Variants in SULT6B1 observed in about 807,000 individuals in gnomAD.
The protein encoded by SULT6B1 is sulfotransferase family 6B member 1.
A neutral mutation model predicts 37.2 loss-of-function variants in SULT6B1; 44 were observed. The observed-to-expected ratio is 1.18, with a 90% CI of 0.93 to 1.52. The LOEUF is 1.52. SULT6B1 is among the 40% of genes most tolerant of loss of function. The pLI, the probability that SULT6B1 is intolerant of heterozygous loss-of-function variation, is 0.00. For missense variants in SULT6B1, 450 were observed against 361.0 expected (o/e 1.25, Z -2.00); for synonymous variants, 140 against 126.0 (o/e 1.11, Z -0.74).
intron 5 of SULT6B1, among the ~76,000 whole-genome samples, chr2:37,172,441 A>C (rs1676324996): frequency 6.6e-6 from 1 of 152,218 alleles, no homozygotes; most frequent in South Asian, 2.1e-4. Flanking sequence ...ACATTATTCT[A>C]AACTAGAATT....
rs528402973 is a variant in SULT6B1, at chr2:37,171,426, G to A, written c.781+8C>T. 4.3e-6 allele frequency: 7 copies of A among 1,611,872 alleles called. No homozygotes were observed. The East Asian group carries it at 6.7e-5, about 15-fold the overall frequency. ...TGATAACAATCCCAGAAACCAATGC[G>A]ACTTTACCTTTGCGGAAAAGGAATG... On this transcript the variant is annotated splice_region_variant and intron_variant, in intron 6 of 6. Transcript: ENST00000535679.
chr2:37,194,007 G>A (rs1445296650), intron 1 of SULT6B1, among the ~76,000 whole-genome samples: 4 of 152,062 alleles, frequency 2.6e-5, no homozygotes, highest in Admixed American at 6.6e-5. Flanking sequence ...GTGCAATATC[G>A]TTATTAGTTT....
At chr2:37,186,723 C>G (rs1248807101) in intron 2 of SULT6B1, among the ~76,000 whole-genome samples, 1 of 151,872 alleles carries the variant, frequency 6.6e-6, no homozygotes, top group Non-Finnish European at 1.5e-5. Context: ...GAAACCCTAC[C>G]TCTACAAAAA....
At position 37,168,987 on chromosome 2, in the gene SULT6B1, T is replaced by A. The variant is rs574389317; in HGVS notation, c.782-922A>T. Among the ~76,000 whole-genome samples, 20 of 152,310 alleles carry A rather than the reference T, an allele frequency of 1.3e-4. No homozygotes were observed. In the East Asian group the frequency reaches 3.5e-3, roughly 26 times the overall value. On this transcript the variant is annotated intron_variant, in intron 6 of 6. Coordinates refer to ENST00000535679, the MANE Select transcript of SULT6B1 (RefSeq NM_001367551.1). ...CTGTTTACAAATGTCATCAGCTATA[T>A]AAAACGTCACAGAATAAGGGTGGAA...
chr2:37,195,040 C>A (rs992554911), intron 1 of SULT6B1, among the ~76,000 whole-genome samples: 1 of 151,922 alleles, frequency 6.6e-6, no homozygotes, highest in Non-Finnish European at 1.5e-5. Flanking sequence ...ACCTCTGCCT[C>A]CTGGGTTCAA....
intron 4 of SULT6B1, among the ~76,000 whole-genome samples, chr2:37,176,502 C>T (rs1410099239): frequency 6.6e-6 from 1 of 151,940 alleles, no homozygotes; most frequent in African/African-American, 2.4e-5. Flanking sequence ...TCAGGTGATC[C>T]GCCCGCCTCG....
At chr2:37,176,507 G>A (rs1026237977) in intron 4 of SULT6B1, among the ~76,000 whole-genome samples, 3 of 151,982 alleles carry the variant, frequency 2.0e-5, no homozygotes, top group Non-Finnish European at 4.4e-5. Flanking sequence ...TGATCCGCCC[G>A]CCTCGGCCAC....
At chr2:37,175,035 A>G (rs993279480) in intron 5 of SULT6B1, 97 bp downstream of exon 5, 6 of 635,164 alleles carry the variant, frequency 9.4e-6, no homozygotes, top group Admixed American at 7.8e-5. Context: ...TTAAAAATTG[A>G]ACACCATATT....
intron 4 of SULT6B1, among the ~76,000 whole-genome samples, chr2:37,177,457 A>C (rs62134993): frequency 2.0e-5 from 3 of 148,998 alleles, no homozygotes; most frequent in South Asian, 4.2e-4. Flanking sequence ...AAAAGAGAAG[A>C]ATACAGCATG....
At chr2:37,171,655 A>G in intron 5 of SULT6B1, 65 bp from the exon 6 acceptor site, 2 of 1,511,984 alleles carry the variant, frequency 1.3e-6, no homozygotes, top group South Asian at 1.2e-5. Flanking sequence ...GCTGAGACAG[A>G]CTTTTTAGTC....
chr2:37,183,348 A>G (rs1676596713), intron 3 of SULT6B1, 77 bp downstream of exon 3: 1 of 1,145,012 alleles, frequency 8.7e-7, no homozygotes. Flanking sequence ...AGAAGGAACA[A>G]ACTCATGATC....
rs1172688137 is a variant in SULT6B1 at position 37,187,373 on chromosome 2, C to T, written c.294G>A (p.Gly98=). 3.1e-6 allele frequency: 5 copies of T among 1,598,616 alleles called. No individual in the cohort carries two copies. The highest frequency in any genetic ancestry group is 4.3e-6 in the Non-Finnish European group (5 of 1,168,204). Reference sequence around the variant, plus strand: ...TACTAACCTGATATTTTTCTGAATCCCCACATTCAAGAACTGGGAATTCTG... The same window carrying T: ...TACTAACCTGATATTTTTCTGAATCTCCACATTCAAGAACTGGGAATTCTG... ...KYPEFPVLEC[G]DSEKYQRMKG... The change falls in exon 2 of 7, where the codon GGG becomes GGA. Residue 98 remains glycine (G), a synonymous_variant. Coordinates refer to ENST00000535679, the MANE Select transcript of SULT6B1 (RefSeq NM_001367551.1).
chr2:37,194,413 T>C (rs1476530462), intron 1 of SULT6B1: 3 of 427,894 alleles, frequency 7.0e-6, no homozygotes, highest in Non-Finnish European at 1.4e-5. Context: ...TGGTAACAGG[T>C]ACATAGGTAA....
intron 5 of SULT6B1, among the ~76,000 whole-genome samples, chr2:37,171,887 A>G (rs1326707635): frequency 1.3e-5 from 2 of 152,210 alleles, no homozygotes; most frequent in Non-Finnish European, 2.9e-5. Context: ...AATTTTATCT[A>G]GGATGATATC....
At chr2:37,189,948 G>A (rs1275730024), upstream of SULT6B1, 1 of 152,210 alleles carries the variant, frequency 6.6e-6, no homozygotes, top group Non-Finnish European at 1.5e-5. Context: ...CACTCCAGGG[G>A]GTGGCAGACT....
intron 1 of SULT6B1, among the ~76,000 whole-genome samples, chr2:37,193,863 G>C (rs1481629593): frequency 1.3e-5 from 2 of 152,162 alleles, no homozygotes; most frequent in Non-Finnish European, 2.9e-5. Context: ...CTCTACCAGA[G>C]TTAGTAAATC....
chr2:37,169,295 G>A (rs1378993221), intron 6 of SULT6B1, among the ~76,000 whole-genome samples: 3 of 152,078 alleles, frequency 2.0e-5, no homozygotes, highest in Non-Finnish European at 2.9e-5. Context: ...TCAATGTTCC[G>A]CTTACAGTAG....
In SULT6B1 at chr2:37,167,828, CA is replaced by C; in HGVS notation, c.*106del. On this transcript the variant is annotated 3_prime_UTR_variant, in exon 7 of 7. Transcript: ENST00000535679. Reference sequence around the variant, plus strand: ...ATTTTGTATTGTATTATTTAGATTTCAATATTGTTTAATTATTATTTGATTA... The same window carrying C: ...ATTTTGTATTGTATTATTTAGATTTCATATTGTTTAATTATTATTTGATTA... The C allele has an allele frequency of 1.0e-6, 1 of 969,864 alleles. No individual in the cohort carries two copies. Among genetic ancestry groups the C allele is most frequent in the Non-Finnish European group, 1.4e-6 (1 of 704,780 alleles). The allele number at this position is 969,864 out of a possible 1,614,324, so 60.1% of individuals were successfully genotyped here. A position where few individuals can be genotyped will look rare whatever the true frequency, so the allele number is the denominator to read the frequency against.
intron 5 of SULT6B1, among the ~76,000 whole-genome samples, chr2:37,173,727 G>T (rs1008237026): frequency 9.2e-5 from 14 of 152,000 alleles, no homozygotes; most frequent in Non-Finnish European, 1.5e-4. Flanking sequence ...AATCCTGTTG[G>T]CCTTCCCTTC....
Sources: allele counts gnomAD v4.1 joint callset (sites outside exome capture counted in the v4.1 genomes callset), GRCh38; gene constraint gnomAD v4.1.1; transcripts MANE v1.5; gene names NCBI Gene and HGNC (gene_info 2026-07-23, HGNC 2026-07-21).